Variants in LIMS4 observed in about 807,000 individuals in gnomAD.
The protein encoded by LIMS4 is LIM zinc finger domain containing 4.
downstream of LIMS4, among the ~76,000 whole-genome samples, chr2:110,443,057 T>TTTG (rs1688169792): frequency 8.3e-6 from 1 of 120,114 alleles, no homozygotes; most frequent in Non-Finnish European, 1.7e-5. Flanking sequence ...CTTTTTTTTT[T>TTTG]CTTTTTCTTT....
chr2:110,373,678 G>T, the LIMS4 span, among the ~76,000 whole-genome samples: 1 of 151,512 alleles, frequency 6.6e-6, no homozygotes, highest in Non-Finnish European at 1.5e-5. Flanking sequence ...AGTAGGATGG[G>T]AGGCTAGTCC....
At chr2:110,453,305 C>T (rs1688228327) in intron 5 of LIMS4, among the ~76,000 whole-genome samples, 1 of 36,248 alleles carries the variant, frequency 2.8e-5, no homozygotes, top group East Asian at 6.7e-4. Flanking sequence ...CCACCCACCA[C>T]CACGCCTGGC....
the LIMS4 span, among the ~76,000 whole-genome samples, chr2:110,395,898 A>G: frequency 1.6e-3 from 223 of 137,334 alleles, 12 homozygotes; most frequent in Non-Finnish European, 2.2e-3. Flanking sequence ...CGGAGCTGCC[A>G]TGGGCAAAGA....
At chr2:110,361,971 A>G in the LIMS4 span, 1 of 1,264,650 alleles carries the variant, frequency 7.9e-7, no homozygotes, top group South Asian at 1.3e-5. Flanking sequence ...CAACGTACAC[A>G]TCAAAAACCA....
intron 8 of LIMS4, among the ~76,000 whole-genome samples, chr2:110,447,453 A>G (rs2104444491): frequency 2.8e-5 from 1 of 36,266 alleles, no homozygotes; most frequent in African/African-American, 7.5e-5. Flanking sequence ...TACCTGGCTA[A>G]TTTTTTTTTT....
chr2:110,371,222 C>T, the LIMS4 span, among the ~76,000 whole-genome samples: 83 of 106,766 alleles, frequency 7.8e-4, no homozygotes, highest in Admixed American at 2.3e-3. Context: ...CTTACTGTTT[C>T]GTTTCTATTA....
the LIMS4 span, among the ~76,000 whole-genome samples, chr2:110,418,571 T>A: frequency 2.3e-5 from 1 of 44,018 alleles, no homozygotes; most frequent in East Asian, 6.1e-4. Flanking sequence ...ACAAATGATT[T>A]GAACATGCAG....
chr2:110,369,676 GT>G, the LIMS4 span, among the ~76,000 whole-genome samples: 2 of 47,270 alleles, frequency 4.2e-5, no homozygotes, highest in Non-Finnish European at 7.3e-5. Flanking sequence ...ATAGGTGCGT[GT>G]CTTCCCAGTT....
At chr2:110,419,513 G>GGGAGTCCCTGAGTAGTC in the LIMS4 span, among the ~76,000 whole-genome samples, 2 of 31,348 alleles carry the variant, frequency 6.4e-5, no homozygotes, top group South Asian at 3.0e-3. Flanking sequence ...GGTGGCGGGC[G>GGGAGTCCCTGAGTAGTC]CCTGTAGTCC....
At chr2:110,371,418 A>C in the LIMS4 span, among the ~76,000 whole-genome samples, 2 of 115,392 alleles carry the variant, frequency 1.7e-5, no homozygotes, top group African/African-American at 9.6e-5. Flanking sequence ...TATGATAAAG[A>C]AGCCATTGGC....
chr2:110,362,029 G>C, the LIMS4 span: 3 of 1,278,160 alleles, frequency 2.3e-6, no homozygotes, highest in Non-Finnish European at 3.3e-6. Flanking sequence ...GGGTCTGGAA[G>C]TGCACCAACC....
chr2:110,392,062 T>C, the LIMS4 span, among the ~76,000 whole-genome samples: 6 of 151,932 alleles, frequency 3.9e-5, no homozygotes, highest in African/African-American at 1.5e-4. Flanking sequence ...GCACAGCACA[T>C]TGACTTTGCG....
chr2:110,422,453 G>C, the LIMS4 span, among the ~76,000 whole-genome samples: 1 of 107,882 alleles, frequency 9.3e-6, no homozygotes, highest in Admixed American at 8.3e-5. Flanking sequence ...CTGCAGGCCA[G>C]AGAGGGAGAC....
the LIMS4 span, among the ~76,000 whole-genome samples, chr2:110,366,260 A>G: frequency 2.6e-5 from 4 of 151,944 alleles, no homozygotes; most frequent in East Asian, 7.7e-4. Context: ...ACAGGCCAAT[A>G]TCCTTGATGA....
At chr2:110,361,038 T>C in the LIMS4 span, 19 of 1,457,396 alleles carry the variant, frequency 1.3e-5, no homozygotes, top group Non-Finnish European at 1.8e-5. Flanking sequence ...ATTGCTCCTC[T>C]GGGAGGCCTG....
At chr2:110,373,215 A>C in the LIMS4 span, among the ~76,000 whole-genome samples, 4 of 7,540 alleles carry the variant, frequency 5.3e-4, no homozygotes, top group Admixed American at 2.9e-3. Flanking sequence ...CCCCCCCCTC[A>C]TGTGGCCTCA....
the LIMS4 span, chr2:110,397,304 TA>T: frequency 7.1e-6 from 1 of 141,574 alleles, no homozygotes; most frequent in Non-Finnish European, 1.5e-5. Context: ...TTGTCTATTA[TA>T]GTAGCTAATT....
the LIMS4 span, among the ~76,000 whole-genome samples, chr2:110,382,082 A>T: frequency 1.6e-4 from 15 of 94,400 alleles, no homozygotes; most frequent in South Asian, 6.9e-4. Flanking sequence ...AAAAAAAAAA[A>T]AAAAAAAAAA....
chr2:110,397,431 T>C, the LIMS4 span: 1 of 145,580 alleles, frequency 6.9e-6, no homozygotes, highest in African/African-American at 2.6e-5. Context: ...CTGTACACCA[T>C]GGCCAGAAAG....
Sources: gnomAD v4.1 joint callset for allele counts (sites outside exome capture counted in the v4.1 genomes callset) on GRCh38, gnomAD v4.1.1 for gene constraint, MANE v1.5 for transcripts, NCBI Gene and HGNC (gene_info 2026-07-23, HGNC 2026-07-21) for gene names.